Variants in TMTC2 observed in about 807,000 individuals in gnomAD.
The protein encoded by TMTC2 is transmembrane O-mannosyltransferase targeting cadherins 2, also known as protein O-mannosyl-transferase TMTC2.
TMTC2 carries 43 observed loss-of-function variants against 82.4 expected under a neutral mutation model. The ratio of observed to expected loss-of-function variants is 0.52; its 90% confidence interval spans 0.41 to 0.67. The LOEUF (loss-of-function observed/expected upper bound fraction) is 0.67, where lower values mean the gene tolerates loss of function less well. Ranked by LOEUF, TMTC2 falls within the 30% of genes least tolerant of loss-of-function variation. The pLI is 0.00. For synonymous variants in TMTC2, 408 were observed against 381.9 expected, an observed-to-expected ratio of 1.07 and a Z score of -0.80; for missense variants, 919 against 1,012.4, an observed-to-expected ratio of 0.91 and a Z score of 1.25.
At chr12:82,901,922 GA>G (rs1874041190) in intron 3 of TMTC2, among the ~76,000 whole-genome samples, 1 of 152,026 alleles carries the variant, frequency 6.6e-6, no homozygotes, top group Non-Finnish European at 1.5e-5. Context: ...TATGGGGGAG[GA>G]AAAATGTTCT....
chr12:82,701,694 G>T (rs1873091663), intron 1 of TMTC2, among the ~76,000 whole-genome samples: 1 of 150,258 alleles, frequency 6.7e-6, no homozygotes, highest in Non-Finnish European at 1.5e-5. Flanking sequence ...CTGGGAGGCA[G>T]AGGTTGCAGT....
chr12:82,948,248 C>T (rs151164626), intron 4 of TMTC2, among the ~76,000 whole-genome samples: 4 of 152,100 alleles, frequency 2.6e-5, no homozygotes, highest in African/African-American at 4.8e-5. Context: ...GCCGATAGTC[C>T]CAGCTACTTA....
rs78027756 is a variant in TMTC2, at chr12:82,757,728, A to C, written c.83+70059A>C. On this transcript the variant is annotated intron_variant, in intron 1 of 11. Coordinates refer to ENST00000321196, the MANE Select transcript of TMTC2 (RefSeq NM_152588.3). Reference sequence around the variant, plus strand: ...ATAATTCTTTTACTGTCTTCTGTGAATATCTCAAAACCACATGCAAATGCA... The same window carrying C: ...ATAATTCTTTTACTGTCTTCTGTGACTATCTCAAAACCACATGCAAATGCA... Among the ~76,000 whole-genome samples the C allele has an allele frequency of 4.2e-3, 642 of 152,312 alleles. 4 individuals carry two copies. The highest frequency in any genetic ancestry group is 0.015 in the African/African-American group (609 of 41,584).
At chr12:83,076,309 T>C (rs61274985) in intron 11 of TMTC2, among the ~76,000 whole-genome samples, 270 of 152,260 alleles carry the variant, frequency 1.8e-3, no homozygotes, top group African/African-American at 6.2e-3. Context: ...ATAAAGAAAA[T>C]CAGCTTCAGT....
At chr12:82,690,516 G>T in intron 1 of TMTC2, 1 of 626,966 alleles carries the variant, frequency 1.6e-6, no homozygotes, top group Non-Finnish European at 2.0e-6. Context: ...ATGTAGCTTG[G>T]TTGAAATTAA....
chr12:82,968,914 A>C (rs1032692516), intron 7 of TMTC2, among the ~76,000 whole-genome samples: 2 of 152,128 alleles, frequency 1.3e-5, no homozygotes, highest in Non-Finnish European at 2.9e-5. Context: ...GGGTCTTAAT[A>C]TTTAACATTC....
intron 11 of TMTC2, among the ~76,000 whole-genome samples, chr12:83,067,177 G>A (rs1565875880): frequency 6.6e-6 from 1 of 151,848 alleles, no homozygotes; most frequent in Non-Finnish European, 1.5e-5. Context: ...GAAAAACAAG[G>A]ACAGAAAAAA....
intron 2 of TMTC2, among the ~76,000 whole-genome samples, chr12:82,893,411 G>T (rs1002062268): frequency 6.6e-6 from 1 of 151,258 alleles, no homozygotes; most frequent in Non-Finnish European, 1.5e-5. Flanking sequence ...AAAAAAGTTA[G>T]ATTGGTGAGG....
rs549119527 is a variant in TMTC2, at chr12:82,812,376, A to G, written c.84-44634A>G. ...AAAAAGAATCCCATAAGAAGTAAGGAGTTTATTTTAAAGTAATGGCCCAAC... is the reference window on the plus strand; with the variant it reads ...AAAAAGAATCCCATAAGAAGTAAGGGGTTTATTTTAAAGTAATGGCCCAAC... On this transcript the variant is annotated intron_variant, in intron 1 of 11. Transcript: ENST00000321196. 3.9e-5 allele frequency among the ~76,000 whole-genome samples: 6 copies of G among 152,212 alleles called. No individual in the cohort carries two copies. The South Asian group carries it at 1.0e-3, about 26-fold the overall frequency.
At chr12:82,902,052 G>T (rs531436878) in intron 3 of TMTC2, among the ~76,000 whole-genome samples, 2 of 152,264 alleles carry the variant, frequency 1.3e-5, no homozygotes, top group East Asian at 3.9e-4. Context: ...GAGTTGAGAG[G>T]AATGGTTTTC....
At chr12:82,703,990 G>A (rs957090096) in intron 1 of TMTC2, among the ~76,000 whole-genome samples, 1 of 152,086 alleles carries the variant, frequency 6.6e-6, no homozygotes, top group Non-Finnish European at 1.5e-5. Context: ...TGGCTTGTTT[G>A]TATTTTTTAA....
chr12:82,946,216 C>T (rs1024651854), intron 4 of TMTC2, among the ~76,000 whole-genome samples: 1 of 151,886 alleles, frequency 6.6e-6, no homozygotes, highest in Non-Finnish European at 1.5e-5. Context: ...TAATGTAAAC[C>T]TAGTTTACTT....
intron 2 of TMTC2, among the ~76,000 whole-genome samples, chr12:82,894,587 T>C (rs1341103328): frequency 1.3e-5 from 2 of 152,188 alleles, no homozygotes; most frequent in Non-Finnish European, 2.9e-5. Context: ...AGAATGGCTT[T>C]ACCATTGAAC....
At chr12:83,095,417 T>G (rs760175649) in intron 11 of TMTC2, among the ~76,000 whole-genome samples, 1 of 152,038 alleles carries the variant, frequency 6.6e-6, no homozygotes, top group Non-Finnish European at 1.5e-5. Flanking sequence ...ATTTTTTGTA[T>G]TTTTATTAGA....
intron 1 of TMTC2, among the ~76,000 whole-genome samples, chr12:82,806,101 G>A (rs1267812130): frequency 6.6e-6 from 1 of 152,142 alleles, no homozygotes; most frequent in Non-Finnish European, 1.5e-5. Context: ...ATCTAGAGGG[G>A]AGGGAAGCAC....
chr12:82,934,977 G>A (rs1294077735), intron 4 of TMTC2, among the ~76,000 whole-genome samples: 1 of 151,554 alleles, frequency 6.6e-6, no homozygotes, highest in Non-Finnish European at 1.5e-5. Flanking sequence ...CAAAGTTTTG[G>A]GAAAAAAGCC....
intron 3 of TMTC2, among the ~76,000 whole-genome samples, chr12:82,916,137 AC>A (rs1446157119): frequency 6.6e-6 from 1 of 152,228 alleles, no homozygotes; most frequent in African/African-American, 2.4e-5. Context: ...AAAAGCCTTT[AC>A]TGAATTGGTA....
At chr12:82,793,986 G>C (rs1878587082) in intron 1 of TMTC2, among the ~76,000 whole-genome samples, 1 of 152,092 alleles carries the variant, frequency 6.6e-6, no homozygotes, top group Non-Finnish European at 1.5e-5. Context: ...AATATCAACT[G>C]CTTTGTGCCC....
intron 8 of TMTC2, among the ~76,000 whole-genome samples, chr12:83,010,319 A>G (rs1161769847): frequency 6.6e-6 from 1 of 152,162 alleles, no homozygotes; most frequent in Admixed American, 6.5e-5. Flanking sequence ...TTCTCAAGAA[A>G]CCAGCCATCA....
Sources: allele counts gnomAD v4.1 joint callset (sites outside exome capture counted in the v4.1 genomes callset), GRCh38; gene constraint gnomAD v4.1.1; transcripts MANE v1.5; gene names NCBI Gene and HGNC (gene_info 2026-07-23, HGNC 2026-07-21).